SVIL: variants seen among roughly 807,000 people sequenced by gnomAD.
The protein encoded by SVIL is supervillin.
In SVIL, 101 loss-of-function variants were observed where a neutral mutation model predicts 240.4. The ratio of observed to expected loss-of-function variants is 0.42; its 90% CI spans 0.36 to 0.50. The LOEUF is 0.50. SVIL is among the 20% of genes least tolerant of loss of function. SVIL has a pLI of 0.01. For missense variants in SVIL, 2,512 were observed against 2,818.7 expected (o/e 0.89, Z 2.46); for synonymous variants, 999 against 1,100.0 (o/e 0.91, Z 1.82).
At chr10:29,636,996 A>G (rs571933022), upstream of SVIL, among the ~76,000 whole-genome samples, 1 of 152,082 alleles carries the variant, frequency 6.6e-6, no homozygotes, top group African/African-American at 2.4e-5. Flanking sequence ...TTTTGTAGAG[A>G]TGGAGTCTCA....
At chr10:29,684,443 G>C (rs1340291075) in intron 2 of SVIL, among the ~76,000 whole-genome samples, 1 of 152,126 alleles carries the variant, frequency 6.6e-6, no homozygotes, top group African/African-American at 2.4e-5. Context: ...GGGACAACTT[G>C]GGGGGTGGGG....
Position 29,533,200 on chromosome 10 carries a change from A to T in SVIL, c.1167T>A (p.Ser389=). The change falls in exon 8 of 38, where the codon TCT becomes TCA. Residue 389 remains serine, a synonymous_variant. Transcript: ENST00000355867. ...TGGCTGATGCTACCCAGCTACACTC[A>T]GATGCATTTTCTGGGGTTTCTGGCG... The part of the protein sequence containing the change: ...LVTPETPENA[S]ECSWVASATQ... 6.2e-7 allele frequency: 1 copy of T among 1,614,074 alleles called. No homozygotes were observed. Among genetic ancestry groups the T allele is most frequent in the Non-Finnish European group, 8.5e-7 (1 of 1,180,018 alleles).
intron 17 of SVIL, among the ~76,000 whole-genome samples, chr10:29,509,319 AGGAGGG>A (rs1445476745): frequency 1.3e-3 from 98 of 75,858 alleles, no homozygotes; most frequent in African/African-American, 4.1e-3. Context: ...GAAAGGGAGA[AGGAGGG>A]GGAGGGAGAG....
chr10:29,692,208 T>A (rs980282860), intron 1 of SVIL, among the ~76,000 whole-genome samples: 2 of 152,204 alleles, frequency 1.3e-5, no homozygotes, highest in African/African-American at 4.8e-5. Flanking sequence ...TTCGTCAACA[T>A]GAAAACTGCC....
intron 1 of SVIL, among the ~76,000 whole-genome samples, chr10:29,618,138 A>T (rs1957497695): frequency 6.6e-6 from 1 of 152,236 alleles, no homozygotes; most frequent in African/African-American, 2.4e-5. Flanking sequence ...AGGCGGGCTA[A>T]TCCTGTCCTC....
rs370459789 is a variant in SVIL, at chr10:29,467,992, T to C, written c.5844-117A>G. 7 of 1,157,980 alleles carry C rather than the reference T, an allele frequency of 6.0e-6. No homozygotes were observed. The African/African-American group carries it at 9.3e-5, about 15-fold the overall frequency. 71.7% of individuals were successfully genotyped at this position (1,157,980 alleles called of 1,614,324 possible). ...TAGCTTTATTGAGATATAATTCACA[T>C]GTCATAAAATTCACTCTTTTTATGT... On this transcript the variant is annotated intron_variant, in intron 32 of 37. Coordinates refer to ENST00000355867, the MANE Select transcript of SVIL (RefSeq NM_021738.3).
At position 29,735,616 on chromosome 10, in the gene SVIL, G is replaced by C. The variant is rs1324991427; in HGVS notation, c.-400+135C>G. 1.3e-5 allele frequency: 2 copies of C among 151,422 alleles called. No individual in the cohort carries two copies. The highest frequency in any genetic ancestry group is 2.9e-5 in the Non-Finnish European group (2 of 67,830). 9.4% of individuals were successfully genotyped at this position (151,422 alleles called of 1,614,324 possible). A position where few individuals can be genotyped will look rare whatever the true frequency, so the allele number is the denominator to read the frequency against. ...CGCCCCCGTTCCCGCTTCGGTCCCC[G>C]GCAGGGCCTCCCGCAGCCAGAGCGA... On this transcript the variant is annotated intron_variant, in intron 1 of 35. Coordinates refer to the SVIL transcript ENST00000375400. This position sits in a 1 kb window ranked among gnomAD's most constrained non-coding sequence, Gnocchi z 4.1.
At chr10:29,705,983 T>A (rs1449710507) in intron 1 of SVIL, among the ~76,000 whole-genome samples, 1 of 152,214 alleles carries the variant, frequency 6.6e-6, no homozygotes, top group African/African-American at 2.4e-5. Context: ...AATAATTGAT[T>A]TATATTCCTT....
chr10:29,659,800 G>A (rs1959103605), intron 2 of SVIL, among the ~76,000 whole-genome samples: 1 of 151,970 alleles, frequency 6.6e-6, no homozygotes, highest in African/African-American at 2.4e-5. Context: ...ACCGTTTTTT[G>A]TTCCAACAAT....
At chr10:29,574,833 C>A (rs1955616931) in intron 1 of SVIL, among the ~76,000 whole-genome samples, 1 of 152,190 alleles carries the variant, frequency 6.6e-6, no homozygotes, top group Non-Finnish European at 1.5e-5. Context: ...AGGCCAGCTG[C>A]AGTTGTCTTT....
intron 34 of SVIL, among the ~76,000 whole-genome samples, 156 bp from the exon 35 acceptor site, chr10:29,463,791 G>A (rs1944555696): frequency 6.6e-6 from 1 of 152,202 alleles, no homozygotes; most frequent in Non-Finnish European, 1.5e-5. Context: ...GGGGCAAACA[G>A]AGAAACCCAG....
chr10:29,679,552 T>C (rs1367498631), intron 2 of SVIL, among the ~76,000 whole-genome samples: 3 of 133,862 alleles, frequency 2.2e-5, no homozygotes, highest in African/African-American at 7.9e-5. Flanking sequence ...TTTTCTTTTT[T>C]CTTTTCCTTT....
intron 3 of SVIL, among the ~76,000 whole-genome samples, chr10:29,648,967 C>T (rs1218242405): frequency 1.3e-5 from 2 of 151,670 alleles, no homozygotes; most frequent in Admixed American, 6.6e-5. Context: ...CTAAGGCACC[C>T]GTCTACACAC....
chr10:29,471,143 A>T lies in SVIL; in HGVS notation c.5630T>A (p.Val1877Glu), dbSNP rs769020145. 1.9e-6 allele frequency: 3 copies of T among 1,613,304 alleles called. No homozygotes were observed. In the South Asian group the frequency reaches 3.3e-5, roughly 18 times the overall value. Residue 1877 changes from valine to glutamate, a missense_variant, in exon 31 of 38, where the codon GTG (valine) becomes GAG (glutamate). Coordinates refer to ENST00000355867, the MANE Select transcript of SVIL (RefSeq NM_021738.3). ...CAGCAGTAAAAGTGACTTACTTTGC[A>T]CATTTTCTTCTTCCTCTTCCCGCCT... ...SGRREEEEEN[V>E]QSEWRLYCVR...
upstream of SVIL, among the ~76,000 whole-genome samples, chr10:29,639,837 G>A (rs72804826): frequency 0.029 from 4,415 of 152,248 alleles, 73 homozygotes; most frequent in Middle Eastern, 0.062. Context: ...ATGGGCAGAT[G>A]GAGGTTTCAG....
chr10:29,614,679 G>T (rs1179058886), intron 1 of SVIL, among the ~76,000 whole-genome samples: 1 of 152,164 alleles, frequency 6.6e-6, no homozygotes, highest in Non-Finnish European at 1.5e-5. Flanking sequence ...GGGCATAGGG[G>T]AGGGACAGCA....
intron 17 of SVIL, among the ~76,000 whole-genome samples, chr10:29,502,449 G>C (rs1948969221): frequency 6.6e-6 from 1 of 152,052 alleles, no homozygotes; most frequent in African/African-American, 2.4e-5. Context: ...GTTTAGAGAA[G>C]GATGTTATAT....
intron 2 of SVIL, among the ~76,000 whole-genome samples, chr10:29,676,378 G>GTGTA (rs6143853): frequency 2.6e-5 from 1 of 38,300 alleles, no homozygotes; most frequent in Non-Finnish European, 5.0e-5. Flanking sequence ...AAAAAAAAGA[G>GTGTA]TGTGTGTGTG....
At chr10:29,657,673 C>T (rs1384825420) in intron 3 of SVIL, among the ~76,000 whole-genome samples, 1 of 152,174 alleles carries the variant, frequency 6.6e-6, no homozygotes, top group Non-Finnish European at 1.5e-5. Flanking sequence ...GAAAGAAAAC[C>T]ACAGCTGTAA....
Sources: gnomAD v4.1 joint callset for allele counts (sites outside exome capture counted in the v4.1 genomes callset) on GRCh38, gnomAD v4.1.1 for gene constraint, Gnocchi (gnomAD v3.1) non-coding constraint, MANE v1.5 for transcripts, NCBI Gene and HGNC (gene_info 2026-07-23, HGNC 2026-07-21) for gene names.